The following SLC3A1 variants were observed in gnomAD, a reference collection of about 807,000 sequenced individuals.
SLC3A1 encodes solute carrier family 3 member 1.
SLC3A1 carries 78 observed loss-of-function variants against 60.3 expected under a neutral mutation model. The observed-to-expected ratio is 1.29, with a 90% CI of 1.08 to 1.56. The LOEUF (loss-of-function observed/expected upper bound fraction) is 1.56, where lower values mean the gene tolerates loss of function less well. Among genes scored for constraint, SLC3A1 ranks in the 40% most tolerant of loss-of-function variants. The pLI, the probability that SLC3A1 is intolerant of heterozygous loss-of-function variation, is 0.00. For synonymous variants in SLC3A1, 392 were observed against 307.9 expected (o/e 1.27, Z -2.86); for missense variants, 1,172 against 858.9 (o/e 1.36, Z -4.56).
intron 7 of SLC3A1, among the ~76,000 whole-genome samples, chr2:44,305,114 C>T (rs1030881762): frequency 3.9e-5 from 6 of 152,162 alleles, no homozygotes; most frequent in African/African-American, 1.2e-4. Context: ...GGAATACAGG[C>T]ATGAGCTACC....
At chr2:44,297,117 G>A (rs750857694) in intron 4 of SLC3A1, among the ~76,000 whole-genome samples, 1 of 152,192 alleles carries the variant, frequency 6.6e-6, no homozygotes, top group Non-Finnish European at 1.5e-5. Context: ...CTGTGGCTCT[G>A]TTTCCCTCCA....
chr2:44,302,608 T>A (rs995119793), intron 6 of SLC3A1, among the ~76,000 whole-genome samples: 8 of 152,220 alleles, frequency 5.3e-5, no homozygotes, highest in African/African-American at 1.4e-4. Flanking sequence ...CTCAAATAGC[T>A]AAAGCCAGCA....
Position 44,320,456 on chromosome 2 carries a change from T to C in SLC3A1, c.1875T>C (p.Asn625=). Residue 625 remains asparagine, a synonymous_variant, in exon 10 of 10, where the codon AAT becomes AAC. Coordinates refer to ENST00000260649, the MANE Select transcript of SLC3A1 (RefSeq NM_000341.4). ...PAKMRIRLST[N]SADKGSKVDT... is the part of the protein sequence containing the mutation. ...AAATGAGAATAAGGTTAAGTACCAA[T>C]TCTGCCGACAAAGGCAGTAAAGTTG... 2.5e-6 allele frequency: 4 copies of C among 1,614,152 alleles called. No individual in the cohort carries two copies. The highest frequency in any genetic ancestry group is 3.4e-6 in the Non-Finnish European group (4 of 1,179,980).
At chr2:44,305,473 G>A (rs1384076833) in intron 7 of SLC3A1, among the ~76,000 whole-genome samples, 1 of 146,802 alleles carries the variant, frequency 6.8e-6, no homozygotes, top group Non-Finnish European at 1.5e-5. Flanking sequence ...CTGTTGCCCA[G>A]GCTGGAGTGC....
chr2:44,279,339 C>T (rs906263178), intron 1 of SLC3A1, among the ~76,000 whole-genome samples: 1 of 152,104 alleles, frequency 6.6e-6, no homozygotes, highest in African/African-American at 2.4e-5. Context: ...TATTCTTGCT[C>T]CCTCCTTTCC....
At position 44,321,462 on chromosome 2, in the gene SLC3A1, A is replaced by T. The variant is rs746448655; in HGVS notation, c.*823A>T. On this transcript the variant is annotated 3_prime_UTR_variant, in exon 10 of 10. Coordinates refer to ENST00000260649, the MANE Select transcript of SLC3A1 (RefSeq NM_000341.4). ...GGCTGTAATCTAAAAGAAACACATT[A>T]AAAAAATTAAATAGAAGGCCTTTGT... The T allele has an allele frequency of 6.7e-5, 107 of 1,604,848 alleles. 1 individual carries two copies. Among genetic ancestry groups the T allele is most frequent in the Non-Finnish European group, 7.2e-5 (84 of 1,173,018 alleles).
At chr2:44,308,465 C>T (rs1005167004) in intron 7 of SLC3A1, among the ~76,000 whole-genome samples, 1 of 152,174 alleles carries the variant, frequency 6.6e-6, no homozygotes, top group Non-Finnish European at 1.5e-5. Context: ...TCCATGAAGA[C>T]AGATGTATCT....
rs764944105 is a variant in SLC3A1 at position 44,320,878 on chromosome 2, C to A, written c.*239C>A. ...TTCAGATAGCATCAATCAGGGATGA[C>A]CAGAACACATTAGGACCCCAGATTA... On this transcript the variant is annotated 3_prime_UTR_variant, in exon 10 of 10. Transcript: ENST00000260649. The A allele has an allele frequency of 3.3e-5, 18 of 537,470 alleles. No homozygotes were observed. Among genetic ancestry groups the A allele is most frequent in the Non-Finnish European group, 5.3e-5 (16 of 300,506 alleles). The allele number at this position is 537,470 out of a possible 1,614,324, so 33.3% of individuals were successfully genotyped here.
chr2:44,304,083 G>T (rs1456435474), intron 6 of SLC3A1, 60 bp from the exon 7 acceptor site: 1 of 1,288,612 alleles, frequency 7.8e-7, no homozygotes, highest in African/African-American at 1.5e-5. Flanking sequence ...AGCAGCTGTG[G>T]AGTGCCTTCC....
chr2:44,301,407 G>C (rs1558462755), intron 6 of SLC3A1: 1 of 599,778 alleles, frequency 1.7e-6, no homozygotes, highest in Non-Finnish European at 3.0e-6. Flanking sequence ...GATTATATTA[G>C]CTAAATGTTA....
In SLC3A1 at chr2:44,309,235, G is replaced by A. The variant is rs1318759044; in HGVS notation, c.1333-3351G>A. 2.0e-5 allele frequency among the ~76,000 whole-genome samples: 3 copies of A among 152,050 alleles called. No homozygotes were observed. In the East Asian group the frequency reaches 5.8e-4, roughly 29 times the overall value. On this transcript the variant is annotated intron_variant, in intron 7 of 9. Coordinates refer to ENST00000260649, the MANE Select transcript of SLC3A1 (RefSeq NM_000341.4). ...TTCCTCACTTCCACCACTAACCCCT[G>A]ATATCCTCCATTCTATTTTCAGCCT...
chr2:44,297,213 A>G (rs1671873787), intron 4 of SLC3A1, among the ~76,000 whole-genome samples: 1 of 152,234 alleles, frequency 6.6e-6, no homozygotes, highest in South Asian at 2.1e-4. Flanking sequence ...CCATACAGCA[A>G]GGGATGAGAA....
At chr2:44,294,594 T>C (rs1671809547) in intron 4 of SLC3A1, among the ~76,000 whole-genome samples, 1 of 152,154 alleles carries the variant, frequency 6.6e-6, no homozygotes, top group South Asian at 2.1e-4. Flanking sequence ...ATGTTATTGA[T>C]GGAGACACTG....
At position 44,281,430 on chromosome 2, in the gene SLC3A1, T is replaced by A; in HGVS notation, c.654T>A (p.Asp218Glu). 1.2e-6 allele frequency: 2 copies of A among 1,613,512 alleles called. No individual in the cohort carries two copies. Among genetic ancestry groups the A allele is most frequent in the Non-Finnish European group, 1.7e-6 (2 of 1,179,398 alleles). The change falls in exon 3 of 10, where the codon GAT (aspartate) becomes GAA (glutamate). Residue 218 changes from aspartate (D) to glutamate (E), a missense_variant. Asp to Glu is a conservative substitution (Grantham distance 45). Transcript: ENST00000260649. ...ATTTCATACCAAACCACACGAGTGA[T>A]AAACATATTTGGTTTCAATTGAGTC... The part of the protein sequence containing the change: ...IIDFIPNHTS[D>E]KHIWFQLSRT...
intron 3 of SLC3A1, among the ~76,000 whole-genome samples, chr2:44,283,458 C>T (rs1021204194): frequency 1.3e-5 from 2 of 152,204 alleles, no homozygotes; most frequent in African/African-American, 4.8e-5. Flanking sequence ...AGTTAATCCA[C>T]TCTATAATCC....
chr2:44,289,021 GAT>G lies in SLC3A1; in HGVS notation c.891+2865_891+2866del, dbSNP rs199986812. 9.9e-3 allele frequency among the ~76,000 whole-genome samples: 1,509 copies of G among 151,948 alleles called. 27 individuals carry two copies. The highest frequency in any genetic ancestry group is 0.035 in the African/African-American group (1,440 of 41,438). ...AACTAATTTTTGTATTTTTTGTAGAGATGGGGTTTCTCCATGTTGGCCAGGCT... is the reference window on the plus strand; with the variant it reads ...AACTAATTTTTGTATTTTTTGTAGAGGGGGTTTCTCCATGTTGGCCAGGCT... On this transcript the variant is annotated intron_variant, in intron 4 of 9. Coordinates refer to ENST00000260649, the MANE Select transcript of SLC3A1 (RefSeq NM_000341.4).
intron 9 of SLC3A1, chr2:44,318,771 G>A (rs750186406): frequency 1.3e-5 from 2 of 152,118 alleles, no homozygotes; most frequent in African/African-American, 2.4e-5. Flanking sequence ...AATCAGGCTT[G>A]GAAGTATTTA....
chr2:44,305,360 G>A (rs550708173), intron 7 of SLC3A1, among the ~76,000 whole-genome samples: 11 of 151,860 alleles, frequency 7.2e-5, no homozygotes, highest in Non-Finnish European at 1.5e-4. Context: ...AAAGTCCCAC[G>A]GTAATAGTGG....
At position 44,320,218 on chromosome 2, in the gene SLC3A1, G is replaced by A; in HGVS notation, c.1637G>A (p.Arg546Lys). ...AAATAGGTCCAAAAGACTCAGCCCA[G>A]ATCGGCTTTGAAGTTATATCAAGAT... ...VNVDVQKTQPRSALKLYQDLS... is the reference protein window; with the variant it reads ...VNVDVQKTQPKSALKLYQDLS... The change falls in exon 10 of 10, where the codon AGA becomes AAA. Residue 546 changes from arginine to lysine, a missense_variant. Transcript: ENST00000260649. The A allele has an allele frequency of 6.2e-7, 1 of 1,613,822 alleles. No homozygotes were observed. Among genetic ancestry groups the A allele is most frequent in the Non-Finnish European group, 8.5e-7 (1 of 1,179,786 alleles).
Sources: gnomAD v4.1 joint callset for allele counts (sites outside exome capture counted in the v4.1 genomes callset) on GRCh38, gnomAD v4.1.1 for gene constraint, MANE v1.5 for transcripts, NCBI Gene and HGNC (gene_info 2026-07-23, HGNC 2026-07-21) for gene names.